The following NAA11 variants were observed in gnomAD, a reference collection of about 807,000 sequenced individuals.
NAA11 encodes the protein N-alpha-acetyltransferase 11.
NAA11 carries 15 observed loss-of-function variants against 16.1 expected under a neutral mutation model. The ratio of observed to expected loss-of-function variants is 0.93; its 90% confidence interval spans 0.62 to 1.44. The LOEUF (loss-of-function observed/expected upper bound fraction) is 1.44, where lower values mean the gene tolerates loss of function less well. NAA11 is among the 40% of genes most tolerant of loss of function. The pLI, the probability that NAA11 is intolerant of heterozygous loss-of-function variation, is 0.00. For synonymous variants in NAA11, 122 were observed against 112.4 expected (o/e 1.09, Z -0.54); for missense variants, 298 against 291.3 (o/e 1.02, Z -0.17).
At chr4:79,164,417 G>A in the NAA11 span, among the ~76,000 whole-genome samples, 4 of 152,164 alleles carry the variant, frequency 2.6e-5, no homozygotes, top group Non-Finnish European at 4.4e-5. Flanking sequence ...CAAGTGTCTT[G>A]AGCAGACAAA....
intron 2 of NAA11, among the ~76,000 whole-genome samples, chr4:79,268,444 T>C (rs2109978489): frequency 6.6e-6 from 1 of 152,282 alleles, no homozygotes; most frequent in African/African-American, 2.4e-5. Context: ...TTTCTCTGCT[T>C]CATCACCCTG....
the NAA11 span, among the ~76,000 whole-genome samples, chr4:79,164,499 G>T: frequency 6.6e-6 from 1 of 152,104 alleles, no homozygotes; most frequent in Non-Finnish European, 1.5e-5. Context: ...TTATCACACA[G>T]AAAATACGCT....
At chr4:79,206,318 T>C in the NAA11 span, among the ~76,000 whole-genome samples, 1 of 152,038 alleles carries the variant, frequency 6.6e-6, no homozygotes, top group South Asian at 2.1e-4. Context: ...TGTTAAGATA[T>C]GCCACCTCCT....
chr4:79,306,381 C>T (rs1375300249), intron 1 of NAA11, among the ~76,000 whole-genome samples: 2 of 152,128 alleles, frequency 1.3e-5, no homozygotes, highest in African/African-American at 2.4e-5. Context: ...TGCAGATGGC[C>T]ATTTTCTCCC....
intron 2 of NAA11, among the ~76,000 whole-genome samples, chr4:79,274,738 G>A (rs549343878): frequency 3.3e-5 from 5 of 152,100 alleles, no homozygotes; most frequent in Non-Finnish European, 7.4e-5. Flanking sequence ...GCCAATCTTA[G>A]TTACTGTTAT....
chr4:79,201,051 T>C, the NAA11 span, among the ~76,000 whole-genome samples: 1 of 151,716 alleles, frequency 6.6e-6, no homozygotes, highest in Admixed American at 6.6e-5. Flanking sequence ...TGTGTTTTTT[T>C]CTTAAGATTC....
intron 1 of NAA11, among the ~76,000 whole-genome samples, chr4:79,322,338 A>G (rs1393466442): frequency 6.6e-6 from 1 of 152,182 alleles, no homozygotes; most frequent in Non-Finnish European, 1.5e-5. Context: ...AAACAGTTCA[A>G]TTATTCTTGA....
chr4:79,177,404 CAAAA>C, the NAA11 span, among the ~76,000 whole-genome samples: 1 of 147,572 alleles, frequency 6.8e-6, no homozygotes, highest in African/African-American at 2.5e-5. Flanking sequence ...TTTGACTTAT[CAAAA>C]AAAAAAAACC....
chr4:79,158,557 A>G, the NAA11 span, among the ~76,000 whole-genome samples: 5 of 152,000 alleles, frequency 3.3e-5, no homozygotes, highest in African/African-American at 9.7e-5. Context: ...TACAAATGCA[A>G]TGCAATTCCC....
the NAA11 span, among the ~76,000 whole-genome samples, chr4:79,179,957 G>A: frequency 6.6e-6 from 1 of 152,176 alleles, no homozygotes; most frequent in Admixed American, 6.5e-5. Context: ...GAAGTGCCAA[G>A]TGAAGGGGGA....
chr4:79,276,615 T>C (rs1481799898), intron 2 of NAA11, among the ~76,000 whole-genome samples: 1 of 152,112 alleles, frequency 6.6e-6, no homozygotes, highest in Admixed American at 6.5e-5. Flanking sequence ...CAAGTGGATG[T>C]GTGGTGGTAT....
chr4:79,317,749 G>T lies in NAA11; in HGVS notation c.*55C>A, dbSNP rs1418424091. ...CTGCAGAGCAGACAGACTAAGCCAG[G>T]GTTCACAGAGTAGATGTGGTTGAGA... is the stretch of plus-strand genomic sequence containing the variant. On this transcript the variant is annotated 3_prime_UTR_variant, in exon 2 of 2. Transcript: ENST00000286794. 6.6e-6 allele frequency: 1 copy of T among 152,262 alleles called. No individual in the cohort carries two copies. The highest frequency in any genetic ancestry group is 1.5e-5 in the Non-Finnish European group (1 of 68,082). The allele number at this position is 152,262 out of a possible 1,614,324, so 9.4% of individuals were successfully genotyped here. A position where few individuals can be genotyped will look rare whatever the true frequency, so the allele number is the denominator to read the frequency against.
chr4:79,325,311 T>C lies in NAA11; in HGVS notation c.567A>G (p.Glu189=). ...CCGGGTTCTTTTGCTGACAGGCCTC[T>C]TCAGAATCAGAAAGTGTGCTGCCCT... is the stretch of plus-strand genomic sequence containing the variant. ...ETQGSTLSDS[E]EACQQKNPAT... is the part of the protein sequence containing the mutation. The change falls in exon 1 of 2, where the codon GAA becomes GAG. Residue 189 remains glutamate, a synonymous_variant. Coordinates refer to ENST00000286794, the MANE Select transcript of NAA11 (RefSeq NM_032693.3). The C allele has an allele frequency of 6.2e-7, 1 of 1,613,914 alleles. No homozygotes were observed. Among genetic ancestry groups the C allele is most frequent in the Non-Finnish European group, 8.5e-7 (1 of 1,179,850 alleles).
chr4:79,169,002 A>T, the NAA11 span, among the ~76,000 whole-genome samples: 15 of 152,216 alleles, frequency 9.9e-5, no homozygotes, highest in African/African-American at 3.6e-4. Flanking sequence ...ACTCCCATTC[A>T]CAATTGCTAC....
At chr4:79,321,827 T>A (rs982247528) in intron 1 of NAA11, among the ~76,000 whole-genome samples, 64 of 152,240 alleles carry the variant, frequency 4.2e-4, no homozygotes, top group African/African-American at 1.4e-3. Context: ...AAAAGTATTT[T>A]TAAAATAGTT....
At chr4:79,303,122 A>ATATATATATATATATT (rs1723460814) in intron 1 of NAA11, among the ~76,000 whole-genome samples, 1 of 113,524 alleles carries the variant, frequency 8.8e-6, no homozygotes, top group Non-Finnish European at 1.9e-5. Flanking sequence ...ATATATATAT[A>ATATATATATATATATT]CCTCCCAACA....
At chr4:79,187,776 C>T in the NAA11 span, among the ~76,000 whole-genome samples, 7 of 151,964 alleles carry the variant, frequency 4.6e-5, no homozygotes, top group Admixed American at 2.0e-4. Context: ...GCGGGCTGAT[C>T]ACGAGGTCAG....
rs190270969 is a variant in NAA11 at position 79,277,106 on chromosome 4, C to G, written c.*122+16899G>C. ...TGTTGCACCTTCATCCCAAACAACA[C>G]TGCCTCTAATGGAAGTATAACAAAG... On this transcript the variant is annotated intron_variant and NMD_transcript_variant, in intron 2 of 2. Transcript: ENST00000511542. Among the ~76,000 whole-genome samples, 356 of 152,216 alleles carry G rather than the reference C, an allele frequency of 2.3e-3. 1 individual carries two copies. Among genetic ancestry groups the G allele is most frequent in the African/African-American group, 7.8e-3 (324 of 41,522 alleles).
intron 1 of NAA11, among the ~76,000 whole-genome samples, chr4:79,305,731 T>C (rs1723559315): frequency 1.3e-5 from 2 of 152,198 alleles, no homozygotes; most frequent in African/African-American, 2.4e-5. Flanking sequence ...GAAAAAAGCT[T>C]TCTCCTCTTT....
Sources: gnomAD v4.1 joint callset for allele counts (sites outside exome capture counted in the v4.1 genomes callset) on GRCh38, gnomAD v4.1.1 for gene constraint, MANE v1.5 for transcripts, NCBI Gene and HGNC (gene_info 2026-07-23, HGNC 2026-07-21) for gene names.